Variants in CAMTA1 observed in about 807,000 individuals in gnomAD.
CAMTA1 encodes calmodulin-binding transcription activator 1.
A neutral mutation model predicts 170.9 loss-of-function variants in CAMTA1; 27 were observed. The observed-to-expected ratio is 0.16, with a 90% CI of 0.12 to 0.22. CAMTA1 has a LOEUF of 0.22. CAMTA1 is among the 10% of genes least tolerant of loss of function. The probability of loss-of-function intolerance (pLI) is 1.00; values close to 1 mark genes in which losing one functional copy is unlikely to be tolerated. For missense variants in CAMTA1, 1,619 were observed against 2,217.2 expected (o/e 0.73, Z 5.42); for synonymous variants, 833 against 891.5 (o/e 0.93, Z 1.17).
chr1:7,457,277 C>A (rs1750842), intron 5 of CAMTA1, among the ~76,000 whole-genome samples: 30,596 of 151,988 alleles, frequency 0.2, 3,412 homozygotes, highest in African/African-American at 0.29. Flanking sequence ...TTATATCTTT[C>A]AACATGATTT....
intron 6 of CAMTA1, among the ~76,000 whole-genome samples, chr1:7,488,615 CAT>C (rs750267626): frequency 3.3e-5 from 5 of 151,172 alleles, no homozygotes; most frequent in African/African-American, 7.4e-5. Flanking sequence ...ACATGTAACA[CAT>C]ACACATACAA....
At chr1:6,836,569 C>T (rs975045147) in intron 3 of CAMTA1, among the ~76,000 whole-genome samples, 1 of 152,086 alleles carries the variant, frequency 6.6e-6, no homozygotes, top group Non-Finnish European at 1.5e-5. Context: ...GAAGCAGAGT[C>T]CACATGTGTG....
At chr1:7,053,633 C>T (rs1706818705) in intron 3 of CAMTA1, among the ~76,000 whole-genome samples, 1 of 152,234 alleles carries the variant, frequency 6.6e-6, no homozygotes, top group African/African-American at 2.4e-5. Flanking sequence ...CCCCTTCCTC[C>T]CTCACTCCAC....
At chr1:7,003,469 G>A (rs1698536166) in intron 3 of CAMTA1, among the ~76,000 whole-genome samples, 1 of 152,236 alleles carries the variant, frequency 6.6e-6, no homozygotes, top group South Asian at 2.1e-4. Context: ...AGCATAGATG[G>A]CTATGTTAGT....
chr1:7,609,881 G>A lies in CAMTA1; in HGVS notation c.511-30519G>A, dbSNP rs116576544. ...CAAACATGGAAGCTCGGATTATTAT[G>A]TACTGCTCTTACTTCACCTCTCCTG... is the stretch of plus-strand genomic sequence containing the variant. On this transcript the variant is annotated intron_variant, in intron 6 of 22. Coordinates refer to ENST00000303635, the MANE Select transcript of CAMTA1 (RefSeq NM_015215.4). The surrounding 1 kb of genome is among the most constrained non-coding windows in gnomAD (Gnocchi z 4.4). Among the ~76,000 whole-genome samples the A allele has an allele frequency of 1.4e-3, 212 of 152,302 alleles. No individual in the cohort carries two copies. Among genetic ancestry groups the A allele is most frequent in the African/African-American group, 5.1e-3 (210 of 41,566 alleles).
intron 4 of CAMTA1, among the ~76,000 whole-genome samples, chr1:7,220,918 G>A (rs1660634043): frequency 6.6e-6 from 1 of 152,196 alleles, no homozygotes; most frequent in Admixed American, 6.5e-5. Context: ...CCTGTCTCCT[G>A]CCTCCCGCTC....
chr1:7,517,096 CA>C (rs1317767398), intron 6 of CAMTA1, among the ~76,000 whole-genome samples: 1 of 152,156 alleles, frequency 6.6e-6, no homozygotes, highest in East Asian at 1.9e-4. Context: ...CTGACATGAG[CA>C]TCTTTTCAAG....
chr1:7,080,240 G>A (rs540750493), intron 3 of CAMTA1, among the ~76,000 whole-genome samples: 32 of 152,146 alleles, frequency 2.1e-4, no homozygotes, highest in Admixed American at 4.6e-4. Flanking sequence ...AAGGGAGATG[G>A]ATTAACTTTT....
chr1:7,602,649 A>G (rs1467646626), intron 6 of CAMTA1, among the ~76,000 whole-genome samples: 6 of 151,892 alleles, frequency 4.0e-5, no homozygotes, highest in Non-Finnish European at 8.8e-5. Context: ...TTGTGTCTCT[A>G]TTTCCTTCAG....
intron 6 of CAMTA1, among the ~76,000 whole-genome samples, chr1:7,567,284 G>A (rs1365838839): frequency 6.6e-6 from 1 of 152,192 alleles, no homozygotes; most frequent in Non-Finnish European, 1.5e-5. Context: ...GCGAAGTGTG[G>A]TGATGAGGAC....
At chr1:6,944,143 C>A (rs954620367) in intron 3 of CAMTA1, among the ~76,000 whole-genome samples, 4 of 152,146 alleles carry the variant, frequency 2.6e-5, no homozygotes, top group African/African-American at 9.7e-5. Flanking sequence ...TTGTGACTGG[C>A]CTATTTCACT....
At chr1:7,341,903 C>A (rs988443739) in intron 5 of CAMTA1, among the ~76,000 whole-genome samples, 2 of 152,158 alleles carry the variant, frequency 1.3e-5, no homozygotes, top group South Asian at 2.1e-4. Flanking sequence ...CCTCCTCCCC[C>A]ACCAGGGCCC....
Position 7,093,730 on chromosome 1 carries a change from A to G in CAMTA1, c.302+2359A>G, listed in dbSNP as rs2148160308. Among the ~76,000 whole-genome samples, 2 of 152,134 alleles carry G rather than the reference A, an allele frequency of 1.3e-5. No homozygotes were observed. Among genetic ancestry groups the G allele is most frequent in the South Asian group, 4.2e-4 (2 of 4,812 alleles). On this transcript the variant is annotated intron_variant, in intron 4 of 22. Coordinates refer to ENST00000303635, the MANE Select transcript of CAMTA1 (RefSeq NM_015215.4). The surrounding 1 kb of genome is among the most constrained non-coding windows in gnomAD (Gnocchi z 4.6). ...AATATACATAGAGCCAAGAGACCCC[A>G]CCCCGAGGCACAGGGTGTGTGCCTG...
chr1:6,848,117 C>T (rs893913919), intron 3 of CAMTA1, among the ~76,000 whole-genome samples: 2 of 152,090 alleles, frequency 1.3e-5, no homozygotes, highest in African/African-American at 4.8e-5. Flanking sequence ...GCCAGGATTA[C>T]AGGCATGAGC....
At chr1:7,765,451 G>A (rs1330387774) in intron 22 of CAMTA1, among the ~76,000 whole-genome samples, 1 of 152,134 alleles carries the variant, frequency 6.6e-6, no homozygotes, top group Non-Finnish European at 1.5e-5. Flanking sequence ...CTATAACAAT[G>A]TTATTTAAAT....
At chr1:7,481,265 C>T (rs1014583392) in intron 6 of CAMTA1, among the ~76,000 whole-genome samples, 1 of 152,216 alleles carries the variant, frequency 6.6e-6, no homozygotes, top group Admixed American at 6.5e-5. Context: ...CTCCACGGCA[C>T]TTAATGTCCA....
chr1:7,267,155 C>T (rs1393899795), intron 5 of CAMTA1, among the ~76,000 whole-genome samples: 2 of 152,090 alleles, frequency 1.3e-5, no homozygotes, highest in East Asian at 1.9e-4. Flanking sequence ...CTCCGAGGTT[C>T]CTTCCTATTT....
At chr1:7,189,389 A>G (rs888875451) in intron 4 of CAMTA1, among the ~76,000 whole-genome samples, 1 of 152,236 alleles carries the variant, frequency 6.6e-6, no homozygotes, top group African/African-American at 2.4e-5. Flanking sequence ...TAAAAACTAC[A>G]CGTCTGAATA....
chr1:7,477,282 G>C (rs1180687514), intron 6 of CAMTA1, among the ~76,000 whole-genome samples: 3 of 152,132 alleles, frequency 2.0e-5, no homozygotes, highest in East Asian at 3.9e-4. Flanking sequence ...TTTTGGAAAA[G>C]AGAGTTGAGG....
Sources: allele counts gnomAD v4.1 joint callset (sites outside exome capture counted in the v4.1 genomes callset), GRCh38; gene constraint gnomAD v4.1.1; non-coding constraint Gnocchi (gnomAD v3.1); transcripts MANE v1.5; gene names NCBI Gene and HGNC (gene_info 2026-07-23, HGNC 2026-07-21).